SLC45A2: variants seen among roughly 807,000 people sequenced by gnomAD.
SLC45A2 encodes solute carrier family 45 member 2.
A neutral mutation model predicts 45.5 loss-of-function variants in SLC45A2; 36 were observed. The ratio of observed to expected loss-of-function variants is 0.79; its 90% CI spans 0.61 to 1.04. The LOEUF is 1.04. Ranked by LOEUF, SLC45A2 falls within the 50% of genes least tolerant of loss-of-function variation. The pLI is 0.00. For synonymous variants in SLC45A2, 306 were observed against 269.3 expected (o/e 1.14, Z -1.33); for missense variants, 719 against 671.0 (o/e 1.07, Z -0.79).
At chr5:33,982,904 C>T (rs1458207932) in intron 1 of SLC45A2, among the ~76,000 whole-genome samples, 1 of 152,228 alleles carries the variant, frequency 6.6e-6, no homozygotes, top group Admixed American at 6.5e-5. Flanking sequence ...AAAGGTCAGG[C>T]TTTAAGGCCT....
chr5:33,972,816 T>C (rs1390738406), intron 2 of SLC45A2, among the ~76,000 whole-genome samples: 1 of 152,224 alleles, frequency 6.6e-6, no homozygotes, highest in East Asian at 1.9e-4. Flanking sequence ...GTATGTTTGC[T>C]AATATCGCAT....
At chr5:33,948,976 G>C (rs1236542228) in intron 5 of SLC45A2, among the ~76,000 whole-genome samples, 6 of 152,242 alleles carry the variant, frequency 3.9e-5, no homozygotes, top group African/African-American at 1.4e-4. Context: ...CTGATACCCA[G>C]TGGTAGTCAT....
chr5:33,955,563 A>G (rs1161655757), intron 3 of SLC45A2, among the ~76,000 whole-genome samples: 1 of 152,172 alleles, frequency 6.6e-6, no homozygotes, highest in Non-Finnish European at 1.5e-5. Flanking sequence ...TCTGAATCCT[A>G]ATGATAGCAG....
intron 6 of SLC45A2, chr5:33,946,549 G>A (rs879509907): frequency 5.1e-6 from 5 of 989,732 alleles, no homozygotes; most frequent in Non-Finnish European, 6.0e-6. Context: ...CTGCATAGGC[G>A]CTTGTTCACT....
intron 2 of SLC45A2, chr5:33,972,690 T>C (rs1214271118): frequency 6.5e-6 from 1 of 152,912 alleles, no homozygotes; most frequent in African/African-American, 2.4e-5. Flanking sequence ...TTAAAGAAAA[T>C]ACTATACGTA....
At chr5:33,972,427 G>A (rs919806999) in intron 2 of SLC45A2, 9 of 321,676 alleles carry the variant, frequency 2.8e-5, no homozygotes, top group South Asian at 1.3e-4. Context: ...CCCTTACAAA[G>A]TATGGTGAAA....
At chr5:33,964,316 G>A (rs543328259) in intron 2 of SLC45A2, among the ~76,000 whole-genome samples, 2 of 152,282 alleles carry the variant, frequency 1.3e-5, no homozygotes, top group East Asian at 1.9e-4. Flanking sequence ...TGTTCAGGAT[G>A]GGGCCAGACA....
At chr5:33,958,789 G>A (rs1352264159) in intron 3 of SLC45A2, among the ~76,000 whole-genome samples, 2 of 152,202 alleles carry the variant, frequency 1.3e-5, no homozygotes, top group South Asian at 2.1e-4. Context: ...TTTTGTACTC[G>A]TGTGGGAGTT....
At chr5:33,969,910 C>T (rs1470834245) in intron 2 of SLC45A2, among the ~76,000 whole-genome samples, 1 of 152,186 alleles carries the variant, frequency 6.6e-6, no homozygotes, top group African/African-American at 2.4e-5. Flanking sequence ...TAATTGGCCT[C>T]GTTCTGGAGC....
At position 33,950,522 on chromosome 5, in the gene SLC45A2, A is replaced by G. The variant is rs1001824926; in HGVS notation, c.1156+1032T>C. 2.5e-4 allele frequency among the ~76,000 whole-genome samples: 38 copies of G among 152,150 alleles called. 1 individual carries two copies. The highest frequency in any genetic ancestry group is 6.5e-5 in the Admixed American group (1 of 15,274). On this transcript the variant is annotated intron_variant, in intron 5 of 6. Coordinates refer to ENST00000296589, the MANE Select transcript of SLC45A2 (RefSeq NM_016180.5). ...AGGTCCCATTTTCCCAATTGGGCTA[A>G]ATTTTTAAGAGGTCTTGAGGCAGGT...
chr5:33,984,461 G>T lies in SLC45A2; in HGVS notation c.123C>A (p.Ala41=). ...PTSRLIMHSM[A]MFGREFCYAV... ...CGTAGCAGAACTCTCTTCCGAACAT[G>T]GCCATGCTGTGCATGATGAGTCTGC... Residue 41 remains alanine, a synonymous_variant, in exon 1 of 7, where the codon GCC becomes GCA. Coordinates refer to ENST00000296589, the MANE Select transcript of SLC45A2 (RefSeq NM_016180.5). 6.2e-7 allele frequency: 1 copy of T among 1,613,818 alleles called. No homozygotes were observed.
chr5:33,965,963 T>C (rs890935350), intron 2 of SLC45A2, among the ~76,000 whole-genome samples: 1 of 152,220 alleles, frequency 6.6e-6, no homozygotes, highest in Admixed American at 6.5e-5. Context: ...AACTATCATT[T>C]GTAAACAGAT....
intron 2 of SLC45A2, chr5:33,972,013 A>T (rs759822184): frequency 6.5e-6 from 3 of 463,024 alleles, no homozygotes; most frequent in East Asian, 1.3e-4. Context: ...CAGTGTTGGG[A>T]TTACAGGTGT....
chr5:33,944,994 G>C (rs538002569), intron 6 of SLC45A2, 122 bp from the exon 7 acceptor site: 2 of 910,708 alleles, frequency 2.2e-6, no homozygotes, highest in African/African-American at 3.3e-5. Flanking sequence ...GGATTATACA[G>C]CCCTGGTCAT....
At chr5:33,979,300 T>C (rs994111997) in intron 2 of SLC45A2, among the ~76,000 whole-genome samples, 6 of 152,198 alleles carry the variant, frequency 3.9e-5, no homozygotes, top group Non-Finnish European at 7.3e-5. Context: ...GATTGGCAAT[T>C]GGTTGAAAGA....
chr5:33,971,017 T>C (rs753144178), intron 2 of SLC45A2: 28 of 498,622 alleles, frequency 5.6e-5, no homozygotes, highest in African/African-American at 1.2e-4. Context: ...CCCTAAAAAG[T>C]GTTGGGCAGA....
intron 5 of SLC45A2, among the ~76,000 whole-genome samples, chr5:33,950,401 GA>G (rs1220562549): frequency 6.6e-6 from 1 of 152,126 alleles, no homozygotes; most frequent in African/African-American, 2.4e-5. Context: ...AAATAAATGT[GA>G]TCTTTAAGCA....
At position 33,951,654 on chromosome 5, in the gene SLC45A2, A is replaced by G. The variant is rs765213151; in HGVS notation, c.1056T>C (p.Tyr352=). 6.2e-7 allele frequency: 1 copy of G among 1,614,080 alleles called. No individual in the cohort carries two copies. The highest frequency in any genetic ancestry group is 1.3e-5 in the African/African-American group (1 of 74,932). Reference sequence around the variant, plus strand: ...GAAACTCTGTGGAGTTGTGTGCACTATAGGGATCCCCGCGGTACACAATCT... The same window carrying G: ...GAAACTCTGTGGAGTTGTGTGCACTGTAGGGATCCCCGCGGTACACAATCT... ...MGQIVYRGDP[Y]SAHNSTEFLI... is the part of the protein sequence containing the mutation. Residue 352 remains tyrosine, a synonymous_variant, in exon 5 of 7, where the codon TAT becomes TAC. Coordinates refer to ENST00000296589, the MANE Select transcript of SLC45A2 (RefSeq NM_016180.5).
At chr5:33,975,417 T>G (rs187102937) in intron 2 of SLC45A2, among the ~76,000 whole-genome samples, 1 of 152,142 alleles carries the variant, frequency 6.6e-6, no homozygotes, top group African/African-American at 2.4e-5. Context: ...GAGGGGTAGA[T>G]AAATACCTTG....
Sources: allele counts gnomAD v4.1 joint callset (sites outside exome capture counted in the v4.1 genomes callset), GRCh38; gene constraint gnomAD v4.1.1; transcripts MANE v1.5; gene names NCBI Gene and HGNC (gene_info 2026-07-23, HGNC 2026-07-21).